Variants in ALCAM observed in about 807,000 individuals in gnomAD.
ALCAM encodes activated leukocyte cell adhesion molecule.
Under a neutral mutation model 70.9 loss-of-function variants are expected in ALCAM, and 30 were observed. The observed-to-expected ratio is 0.42, with a 90% CI of 0.32 to 0.57. The LOEUF is 0.57. ALCAM is among the 20% of genes least tolerant of loss of function. The pLI is 0.11. For missense variants in ALCAM, 591 were observed against 695.1 expected (o/e 0.85, Z 1.68); for synonymous variants, 249 against 242.5 (o/e 1.03, Z -0.25).
intron 1 of ALCAM, among the ~76,000 whole-genome samples, chr3:105,480,006 G>A (rs1426247644): frequency 6.6e-6 from 1 of 151,994 alleles, no homozygotes; most frequent in Non-Finnish European, 1.5e-5. Flanking sequence ...CAAACAATCT[G>A]AATATACACA....
chr3:105,477,247 G>A (rs538848390), intron 1 of ALCAM, among the ~76,000 whole-genome samples: 1 of 152,002 alleles, frequency 6.6e-6, no homozygotes, highest in East Asian at 1.9e-4. Context: ...CTTTTCTAAT[G>A]CTCTTCATTT....
At chr3:105,404,674 T>TG (rs1936175715) in intron 1 of ALCAM, among the ~76,000 whole-genome samples, 3 of 73,934 alleles carry the variant, frequency 4.1e-5, no homozygotes, top group Admixed American at 3.5e-4. Flanking sequence ...AATAACACAA[T>TG]GAAAAAAAAA....
At chr3:105,539,685 A>G (rs557483548) in intron 6 of ALCAM, among the ~76,000 whole-genome samples, 2 of 151,992 alleles carry the variant, frequency 1.3e-5, no homozygotes, top group Non-Finnish European at 2.9e-5. Context: ...GATTGTTCCT[A>G]TGGTCTTTTA....
In ALCAM at chr3:105,392,096, G is replaced by A. The variant is rs980620070; in HGVS notation, c.73+24615G>A. Among the ~76,000 whole-genome samples the A allele has an allele frequency of 3.9e-5, 6 of 152,074 alleles. No individual in the cohort carries two copies. In the South Asian group the frequency reaches 1.0e-3, roughly 26 times the overall value. On this transcript the variant is annotated intron_variant, in intron 1 of 15. Coordinates refer to ENST00000306107, the MANE Select transcript of ALCAM (RefSeq NM_001627.4). ...AATGCTGGTCTCACAAAATGAGTTA[G>A]GAAGAAGTCCCTGTCTTTCAGTTTT...
At chr3:105,431,212 A>G (rs900320170) in intron 1 of ALCAM, among the ~76,000 whole-genome samples, 5 of 152,104 alleles carry the variant, frequency 3.3e-5, no homozygotes, top group African/African-American at 1.2e-4. Flanking sequence ...ATTGTATACA[A>G]CCATGAAACT....
chr3:105,430,227 A>G lies in ALCAM; in HGVS notation c.73+62746A>G, dbSNP rs145432999. Among the ~76,000 whole-genome samples, 56 of 152,028 alleles carry G rather than the reference A, an allele frequency of 3.7e-4. No homozygotes were observed. The East Asian group carries it at 7.0e-3, about 19-fold the overall frequency. Reference sequence around the variant, plus strand: ...TCATATTTATAGTACATTTATCACAATTGAGATAATATTGATATATTATTA... The same window carrying G: ...TCATATTTATAGTACATTTATCACAGTTGAGATAATATTGATATATTATTA... On this transcript the variant is annotated intron_variant, in intron 1 of 15. Coordinates refer to ENST00000306107, the MANE Select transcript of ALCAM (RefSeq NM_001627.4).
At chr3:105,424,010 T>C (rs978963560) in intron 1 of ALCAM, among the ~76,000 whole-genome samples, 2 of 151,654 alleles carry the variant, frequency 1.3e-5, no homozygotes, top group Admixed American at 6.6e-5. Flanking sequence ...ACATTTTTGG[T>C]ACATGTGCCA....
At chr3:105,545,096 T>TA (rs562170474) in intron 8 of ALCAM, 127 bp from the exon 9 acceptor site, 2 of 691,890 alleles carry the variant, frequency 2.9e-6, no homozygotes, top group Non-Finnish European at 2.6e-6. Flanking sequence ...TTTAGTCATA[T>TA]AAATCAGTTC....
chr3:105,393,980 C>T (rs552689994), intron 1 of ALCAM, among the ~76,000 whole-genome samples: 52 of 151,914 alleles, frequency 3.4e-4, no homozygotes, highest in African/African-American at 1.2e-3. Flanking sequence ...GAAAAGCAGT[C>T]AGTAATATCA....
chr3:105,468,276 G>A (rs1463570109), intron 1 of ALCAM, among the ~76,000 whole-genome samples: 3 of 151,240 alleles, frequency 2.0e-5, no homozygotes, highest in African/African-American at 7.3e-5. Context: ...AAGCCACCTT[G>A]TTAATTGCCA....
rs933470210 is a variant in ALCAM at position 105,574,982 on chromosome 3, A to G, written c.*531A>G. 16 of 152,566 alleles carry G rather than the reference A, an allele frequency of 1.0e-4. No homozygotes were observed. Among genetic ancestry groups the G allele is most frequent in the African/African-American group, 3.8e-4 (16 of 41,580 alleles). The allele number at this position is 152,566 out of a possible 1,614,324, so 9.5% of individuals were successfully genotyped here. Reference sequence around the variant, plus strand: ...GATTGGGGACACTCATATTGCCCTAATTAAAAACTGTGATTTTTATCACAA... The same window carrying G: ...GATTGGGGACACTCATATTGCCCTAGTTAAAAACTGTGATTTTTATCACAA... On this transcript the variant is annotated 3_prime_UTR_variant, in exon 16 of 16. Transcript: ENST00000306107.
intron 1 of ALCAM, among the ~76,000 whole-genome samples, chr3:105,459,911 G>GT (rs1937580739): frequency 6.6e-6 from 1 of 152,056 alleles, no homozygotes; most frequent in African/African-American, 2.4e-5. Context: ...ACAGCAGGCT[G>GT]TGGAAGGGAA....
intron 1 of ALCAM, among the ~76,000 whole-genome samples, chr3:105,426,221 A>G (rs1338325245): frequency 2.6e-5 from 4 of 151,932 alleles, no homozygotes; most frequent in African/African-American, 9.7e-5. Flanking sequence ...TTAGAAGGTT[A>G]AATTAAATGA....
At chr3:105,406,132 C>A (rs1576140663) in intron 1 of ALCAM, among the ~76,000 whole-genome samples, 1 of 152,144 alleles carries the variant, frequency 6.6e-6, no homozygotes, top group South Asian at 2.1e-4. Context: ...GGTCTGAGTC[C>A]TGAAGACCTT....
intron 1 of ALCAM, among the ~76,000 whole-genome samples, chr3:105,497,836 C>T (rs1255339477): frequency 6.6e-6 from 1 of 151,936 alleles, no homozygotes; most frequent in Non-Finnish European, 1.5e-5. Context: ...TCGAGACCAT[C>T]CTGGCTAACA....
At chr3:105,367,587 G>A (rs1935098146) in intron 1 of ALCAM, 106 bp downstream of exon 1, 3 of 1,351,092 alleles carry the variant, frequency 2.2e-6, no homozygotes, top group Non-Finnish European at 3.1e-6. Flanking sequence ...CAGGCGCGTG[G>A]TGGAGGTAAG....
intron 1 of ALCAM, among the ~76,000 whole-genome samples, chr3:105,384,383 A>G (rs1246145155): frequency 1.3e-5 from 2 of 151,478 alleles, no homozygotes; most frequent in Non-Finnish European, 3.0e-5. Context: ...AAATAATCTT[A>G]AATTCTTATA....
chr3:105,461,229 G>T (rs1171056918), intron 1 of ALCAM, among the ~76,000 whole-genome samples: 2 of 151,814 alleles, frequency 1.3e-5, no homozygotes, highest in Non-Finnish European at 2.9e-5. Context: ...AAGAATGCAG[G>T]CCAGTGTGAC....
Position 105,485,673 on chromosome 3 carries a change from A to G in ALCAM, c.74-34394A>G, listed in dbSNP as rs1010630975. 8.5e-5 allele frequency among the ~76,000 whole-genome samples: 13 copies of G among 152,182 alleles called. 1 individual carries two copies. The highest frequency in any genetic ancestry group is 3.1e-4 in the African/African-American group (13 of 41,574). ...ATTATGTTAATGAAATTATATATTT[A>G]CATACTTCGGTTTTAGATTAAGCAA... On this transcript the variant is annotated intron_variant, in intron 1 of 15. Coordinates refer to ENST00000306107, the MANE Select transcript of ALCAM (RefSeq NM_001627.4).
Sources: allele counts gnomAD v4.1 joint callset (sites outside exome capture counted in the v4.1 genomes callset), GRCh38; gene constraint gnomAD v4.1.1; transcripts MANE v1.5; gene names NCBI Gene and HGNC (gene_info 2026-07-23, HGNC 2026-07-21).